ZMYND8: variants seen among roughly 807,000 people sequenced by gnomAD.
ZMYND8 encodes the protein MYND-type zinc finger-containing chromatin reader ZMYND8.
In ZMYND8, 37 loss-of-function variants were observed where a neutral mutation model predicts 140.8. The observed-to-expected ratio is 0.26, with a 90% confidence interval of 0.20 to 0.35. The LOEUF is 0.35. Ranked by LOEUF, ZMYND8 falls within the 10% of genes least tolerant of loss-of-function variation. ZMYND8 has a pLI of 1.00. For missense variants in ZMYND8, 1,068 were observed against 1,570.0 expected (o/e 0.68, Z 5.40); for synonymous variants, 592 against 597.1 (o/e 0.99, Z 0.12).
intron 2 of ZMYND8, chr20:47,319,123 C>A: frequency 8.9e-7 from 1 of 1,126,750 alleles, no homozygotes; most frequent in Non-Finnish European, 1.2e-6. Context: ...CAGGCCAGCC[C>A]CGGTCTTGTA....
At chr20:47,211,903 C>T (rs1454023618) in intron 22 of ZMYND8, among the ~76,000 whole-genome samples, 1 of 152,076 alleles carries the variant, frequency 6.6e-6, no homozygotes, top group Non-Finnish European at 1.5e-5. Context: ...GGAAGATAAG[C>T]AGTGAAGAGA....
At position 47,220,286 on chromosome 20, in the gene ZMYND8, G is replaced by A. The variant is rs1323796205; in HGVS notation, c.3456C>T (p.Ser1152=). 1 of 1,565,034 alleles carries A rather than the reference G, an allele frequency of 6.4e-7. No individual in the cohort carries two copies. The change falls in exon 21 of 23, where the codon TCC becomes TCT. Residue 1152 remains serine (S), a synonymous_variant. Transcript: ENST00000471951. ...AGCCTTGGTTGGAGCCTAAGAGAATGGAGGAGGGCGTCTCTCTGGAGCCAG... is the reference window on the plus strand; with the variant it reads ...AGCCTTGGTTGGAGCCTAAGAGAATAGAGGAGGGCGTCTCTCTGGAGCCAG... ...DLSGSRETPS[S]ILLGSNQGSV...
At chr20:47,282,072 A>G (rs999404963) in intron 10 of ZMYND8, 30 bp downstream of exon 10, 4 of 1,576,040 alleles carry the variant, frequency 2.5e-6, no homozygotes, top group East Asian at 2.2e-5. Context: ...AGTGAAAGCT[A>G]CATGTTCCAA....
intron 2 of ZMYND8, among the ~76,000 whole-genome samples, chr20:47,315,687 T>A (rs1276625589): frequency 6.6e-6 from 1 of 152,166 alleles, no homozygotes; most frequent in Non-Finnish European, 1.5e-5. Context: ...AAGGATGTAT[T>A]GCCCAGTGCA....
intron 7 of ZMYND8, among the ~76,000 whole-genome samples, chr20:47,287,540 T>C (rs1202693827): frequency 3.3e-5 from 5 of 152,194 alleles, no homozygotes; most frequent in Non-Finnish European, 7.4e-5. Flanking sequence ...CTAGAGATCA[T>C]GGATTAATAT....
intron 11 of ZMYND8, among the ~76,000 whole-genome samples, chr20:47,266,508 C>A (rs1430979134): frequency 6.6e-6 from 1 of 152,136 alleles, no homozygotes; most frequent in Admixed American, 6.6e-5. Flanking sequence ...TCTGGAACTG[C>A]AGACCTCAGG....
At chr20:47,292,405 A>G (rs2077320225) in intron 5 of ZMYND8, among the ~76,000 whole-genome samples, 1 of 152,132 alleles carries the variant, frequency 6.6e-6, no homozygotes, top group Non-Finnish European at 1.5e-5. Context: ...TCAACATAAA[A>G]ATTATACCAT....
chr20:47,300,609 T>C (rs141581138), intron 3 of ZMYND8, among the ~76,000 whole-genome samples: 1 of 152,360 alleles, frequency 6.6e-6, no homozygotes, highest in East Asian at 1.9e-4. Context: ...TTTCCTATCA[T>C]ATACTTTAAC....
intron 12 of ZMYND8, among the ~76,000 whole-genome samples, chr20:47,252,575 A>G (rs2074277191): frequency 6.6e-6 from 1 of 152,212 alleles, no homozygotes; most frequent in Non-Finnish European, 1.5e-5. Flanking sequence ...TACTACTAGA[A>G]TACACAGTTA....
In ZMYND8 at chr20:47,310,083, G is replaced by A. The variant is rs1462883863; in HGVS notation, c.207C>T (p.Gly69=). 3 of 1,614,086 alleles carry A rather than the reference G, an allele frequency of 1.9e-6. No individual in the cohort carries two copies. Among genetic ancestry groups the A allele is most frequent in the East Asian group, 2.2e-5 (1 of 44,898 alleles). The change falls in exon 3 of 23, where the codon GGC becomes GGT. Residue 69 remains glycine (G), a synonymous_variant. Transcript: ENST00000471951. ...TSPIKKKKKP[G]LLNSNNKEQS... ...GCTCCTTATTGTTACTGTTCAGTAA[G>A]CCAGGTTTCTTTTTCTTTTTAATGG...
chr20:47,220,540 C>A (rs369036895), intron 20 of ZMYND8, among the ~76,000 whole-genome samples: 34 of 152,214 alleles, frequency 2.2e-4, no homozygotes, highest in Non-Finnish European at 2.9e-5. Flanking sequence ...GAACGCAGCA[C>A]CAGAGTGGCC....
At chr20:47,275,292 G>A (rs8119678) in intron 11 of ZMYND8, among the ~76,000 whole-genome samples, 4,040 of 152,224 alleles carry the variant, frequency 0.027, 185 homozygotes, top group African/African-American at 0.091. Flanking sequence ...AGGAGTTCGA[G>A]ACCAGCCAGG....
chr20:47,322,043 T>A (rs1040651174), intron 2 of ZMYND8, among the ~76,000 whole-genome samples: 2 of 151,868 alleles, frequency 1.3e-5, no homozygotes, highest in Non-Finnish European at 2.9e-5. Flanking sequence ...GTATTTTTTG[T>A]AGAGAAGGGG....
chr20:47,312,008 G>A (rs1296273205), intron 2 of ZMYND8, among the ~76,000 whole-genome samples: 1 of 152,152 alleles, frequency 6.6e-6, no homozygotes, highest in East Asian at 1.9e-4. Context: ...ACACAGCCTG[G>A]TGTACCTGAC....
intron 1 of ZMYND8, chr20:47,352,977 GC>G (rs2082918622): frequency 6.6e-6 from 1 of 152,194 alleles, no homozygotes; most frequent in Non-Finnish European, 1.5e-5. Context: ...AGTAGCGAAG[GC>G]CCCTTTGAAT....
chr20:47,242,883 C>CG (rs948895448), intron 14 of ZMYND8, among the ~76,000 whole-genome samples: 10 of 151,680 alleles, frequency 6.6e-5, no homozygotes, highest in South Asian at 2.1e-4. Context: ...TCACCTGTAG[C>CG]GGGAAAAAAA....
intron 11 of ZMYND8, among the ~76,000 whole-genome samples, chr20:47,273,841 A>G (rs937635412): frequency 5.3e-5 from 8 of 152,242 alleles, no homozygotes; most frequent in Non-Finnish European, 7.3e-5. Flanking sequence ...AGACCCAAAA[A>G]GCCTAAAATA....
At chr20:47,232,834 G>T (rs776914663) in intron 16 of ZMYND8, among the ~76,000 whole-genome samples, 7 of 151,748 alleles carry the variant, frequency 4.6e-5, no homozygotes, top group Admixed American at 2.6e-4. Context: ...TCAGCAAGAA[G>T]TCTCAGTTTG....
chr20:47,295,943 C>T (rs1167148579), intron 4 of ZMYND8, among the ~76,000 whole-genome samples: 1 of 151,758 alleles, frequency 6.6e-6, no homozygotes, highest in Non-Finnish European at 1.5e-5. Flanking sequence ...ATTCTGTTTC[C>T]ATTTTTCACA....
Sources: gnomAD v4.1 joint callset for allele counts (sites outside exome capture counted in the v4.1 genomes callset) on GRCh38, gnomAD v4.1.1 for gene constraint, MANE v1.5 for transcripts, NCBI Gene and HGNC (gene_info 2026-07-23, HGNC 2026-07-21) for gene names.